The following CFAP54 variants were observed in gnomAD, a reference collection of about 807,000 sequenced individuals.
The protein encoded by CFAP54 is cilia- and flagella-associated protein 54.
Under a neutral mutation model 370.4 loss-of-function variants are expected in CFAP54, and 290 were observed. The observed-to-expected ratio is 0.78, with a 90% CI of 0.71 to 0.86. CFAP54 has a LOEUF of 0.86. CFAP54 is among the 40% of genes least tolerant of loss of function. CFAP54 has a pLI of 0.00. For synonymous variants in CFAP54, 1,206 were observed against 1,236.5 expected, an observed-to-expected ratio of 0.98 and a Z score of 0.52; for missense variants, 3,399 against 3,528.7, an observed-to-expected ratio of 0.96 and a Z score of 0.93.
chr12:96,579,559 T>C (rs966755010), intron 20 of CFAP54, among the ~76,000 whole-genome samples: 1 of 152,122 alleles, frequency 6.6e-6, no homozygotes, highest in African/African-American at 2.4e-5. Flanking sequence ...TTAGAGACAA[T>C]TGTATTTTTT....
intron 39 of CFAP54, among the ~76,000 whole-genome samples, chr12:96,678,336 C>T (rs991836999): frequency 6.6e-6 from 1 of 152,110 alleles, no homozygotes; most frequent in African/African-American, 2.4e-5. Context: ...CTGCAACCTC[C>T]ACCTCCCAGG....
chr12:96,551,536 T>C (rs1004406476), intron 15 of CFAP54, among the ~76,000 whole-genome samples: 1 of 151,898 alleles, frequency 6.6e-6, no homozygotes, highest in African/African-American at 2.4e-5. Flanking sequence ...TGTATGTATA[T>C]ATAGTATAAA....
At position 96,558,364 on chromosome 12, in the gene CFAP54, T is replaced by C. The variant is rs547272580; in HGVS notation, c.2410+3562T>C. On this transcript the variant is annotated intron_variant, in intron 17 of 67. Coordinates refer to ENST00000524981, the MANE Select transcript of CFAP54 (RefSeq NM_001306084.2). ...AAGTCAGATTATCCTTGTTTGCAGATGATAACCATCTTATATTTGGAAAAC... is the reference window on the plus strand; with the variant it reads ...AAGTCAGATTATCCTTGTTTGCAGACGATAACCATCTTATATTTGGAAAAC... 9.9e-5 allele frequency among the ~76,000 whole-genome samples: 15 copies of C among 152,268 alleles called. No individual in the cohort carries two copies. In the East Asian group the frequency reaches 2.9e-3, roughly 29 times the overall value.
intron 9 of CFAP54, among the ~76,000 whole-genome samples, chr12:96,528,316 C>G (rs907962856): frequency 1.2e-4 from 18 of 152,048 alleles, no homozygotes; most frequent in African/African-American, 4.3e-4. Context: ...CTGAGTCGAT[C>G]AAATGGCTTT....
At chr12:96,515,228 C>T (rs1222747258) in intron 5 of CFAP54, among the ~76,000 whole-genome samples, 5 of 152,068 alleles carry the variant, frequency 3.3e-5, no homozygotes, top group South Asian at 2.1e-4. Flanking sequence ...AGGCTGGTCT[C>T]GAACTCCTGA....
At chr12:96,790,276 T>C (rs1347893494) in intron 62 of CFAP54, among the ~76,000 whole-genome samples, 1 of 152,186 alleles carries the variant, frequency 6.6e-6, no homozygotes, top group Non-Finnish European at 1.5e-5. Context: ...GCTTTATTGT[T>C]TATAGGACTG....
At chr12:96,718,632 C>T (rs372916637) in intron 49 of CFAP54, 110 bp downstream of exon 49, 5 of 633,684 alleles carry the variant, frequency 7.9e-6, no homozygotes, top group African/African-American at 5.7e-5. Flanking sequence ...GAGCAGTTAC[C>T]TTTTCTTGTG....
chr12:96,664,019 T>TCC, intron 39 of CFAP54, 87 bp downstream of exon 39: 1 of 969,358 alleles, frequency 1.0e-6, no homozygotes, highest in East Asian at 2.5e-5. Context: ...CCATAATTAG[T>TCC]ATGTTTGTAA....
intron 60 of CFAP54, among the ~76,000 whole-genome samples, chr12:96,769,134 T>A (rs914321571): frequency 6.6e-6 from 1 of 151,998 alleles, no homozygotes; most frequent in African/African-American, 2.4e-5. Context: ...AAACCTTTAT[T>A]TCATGCTACC....
chr12:96,573,719 C>T (rs561984860), intron 19 of CFAP54, among the ~76,000 whole-genome samples: 1 of 152,322 alleles, frequency 6.6e-6, no homozygotes, highest in South Asian at 2.1e-4. Context: ...CATCTTATCT[C>T]CTTGATTCAT....
At chr12:96,740,554 A>G (rs1330292410) in intron 51 of CFAP54, among the ~76,000 whole-genome samples, 3 of 152,248 alleles carry the variant, frequency 2.0e-5, no homozygotes, top group Admixed American at 2.0e-4. Flanking sequence ...AGACCAAGTA[A>G]TTTAACAATA....
At chr12:96,622,160 C>T (rs191025828) in intron 27 of CFAP54, among the ~76,000 whole-genome samples, 4 of 151,640 alleles carry the variant, frequency 2.6e-5, no homozygotes, top group South Asian at 4.2e-4. Flanking sequence ...TTGTGACACC[C>T]GTGTTCTCTT....
chr12:96,522,213 C>T (rs1565883461), intron 8 of CFAP54, 24 bp downstream of exon 8: 11 of 1,403,550 alleles, frequency 7.8e-6, no homozygotes, highest in Non-Finnish European at 1.1e-5. Flanking sequence ...TGTCTTCTCT[C>T]TTTAAGACTC....
chr12:96,538,513 A>G lies in CFAP54; in HGVS notation c.1921A>G (p.Asn641Asp), dbSNP rs1158340046. ...YAKFTQKIST[N>D]KWIYLLWQIN... ...AAAATTCACCCAGAAAATCAGTACT[A>G]ACAAAGTATTCCTTTCGCATTCCCT... The change falls in exon 13 of 68, where the codon AAC becomes GAC. Residue 641 changes from asparagine (N) to aspartate (D), a missense_variant. Physicochemically the swap from Asn to Asp is conservative, Grantham distance 23 (BLOSUM62 1). Coordinates refer to ENST00000524981, the MANE Select transcript of CFAP54 (RefSeq NM_001306084.2). The G allele has an allele frequency of 1.3e-6, 2 of 1,535,786 alleles. No individual in the cohort carries two copies. Among genetic ancestry groups the G allele is most frequent in the African/African-American group, 2.7e-5 (2 of 73,034 alleles).
chr12:96,704,468 A>G lies in CFAP54; in HGVS notation c.6475-275A>G, dbSNP rs1272478681. ...TGTATGTGTGTATATATATATATAT[A>G]TATATATATATATATATATATATAT... On this transcript the variant is annotated intron_variant, in intron 46 of 67. Coordinates refer to ENST00000524981, the MANE Select transcript of CFAP54 (RefSeq NM_001306084.2). Among the ~76,000 whole-genome samples the G allele has an allele frequency of 9.4e-4, 84 of 89,598 alleles. 2 individuals are homozygous for G. Among genetic ancestry groups the G allele is most frequent in the Middle Eastern group, 5.1e-3 (1 of 196 alleles). The allele number at this position is 89,598 out of a possible 152,430, so 58.8% of individuals were successfully genotyped here.
Position 96,649,977 on chromosome 12 carries a change from C to T in CFAP54, c.4777C>T (p.Gln1593Ter). The T allele has an allele frequency of 6.2e-7, 1 of 1,612,886 alleles. No individual in the cohort carries two copies. The highest frequency in any genetic ancestry group is 8.5e-7 in the Non-Finnish European group (1 of 1,179,026). The change falls in exon 35 of 68, where the codon CAA becomes TAA. Residue 1593 changes from glutamine to a stop codon, truncating the protein, a stop_gained. Transcript: ENST00000524981. LOFTEE classifies it high-confidence loss of function. ...ACAAACAGTTTATGACTCAGACTCT[C>T]AATCAGGTTCTAGTGCTAAAGAAAA... ...KTQTVYDSDS[Q>*]SGSSAKEKDR... is the part of the protein sequence containing the mutation.
chr12:96,847,193 C>T, intron 66 of CFAP54, among the ~76,000 whole-genome samples: 1 of 152,168 alleles, frequency 6.6e-6, no homozygotes, highest in Admixed American at 6.5e-5. Context: ...ATGCATAGGG[C>T]AGAGCACAGG....
intron 64 of CFAP54, among the ~76,000 whole-genome samples, chr12:96,816,112 A>G (rs1017527132): frequency 6.6e-6 from 1 of 152,186 alleles, no homozygotes; most frequent in Non-Finnish European, 1.5e-5. Context: ...AGTCAATGGT[A>G]GCTTGATGGG....
chr12:96,685,181 C>T lies in CFAP54; in HGVS notation c.5957C>T (p.Ser1986Leu). 1.2e-6 allele frequency: 2 copies of T among 1,614,084 alleles called. No homozygotes were observed. Among genetic ancestry groups the T allele is most frequent in the Non-Finnish European group, 1.7e-6 (2 of 1,180,002 alleles). ...AAAGACTACAGTGAGGAGTTTCTGT[C>T]AAGAGTTGGCATCTGGGGGTGTTTG... ...GFKDYSEEFL[S>L]RVGIWGCLQG... Residue 1986 changes from serine to leucine, a missense_variant, in exon 42 of 68, where the codon TCA becomes TTA. Ser to Leu is a moderately radical substitution (Grantham distance 145). Transcript: ENST00000524981.
Sources: gnomAD v4.1 joint callset for allele counts (sites outside exome capture counted in the v4.1 genomes callset) on GRCh38, gnomAD v4.1.1 for gene constraint, MANE v1.5 for transcripts, NCBI Gene and HGNC (gene_info 2026-07-23, HGNC 2026-07-21) for gene names.